CENPQ: variants seen among roughly 807,000 people sequenced by gnomAD.
CENPQ encodes the protein chromosome 6 open reading frame 139.
CENPQ carries 27 observed loss-of-function variants against 36.6 expected under a neutral mutation model. The ratio of observed to expected loss-of-function variants is 0.74; its 90% CI spans 0.54 to 1.02. The LOEUF is 1.02. Among genes scored for constraint, CENPQ ranks in the 50% least tolerant of loss-of-function variants. The pLI is 0.00. For missense variants in CENPQ, 306 were observed against 301.8 expected (o/e 1.01, Z -0.10); for synonymous variants, 101 against 101.7 (o/e 0.99, Z 0.04).
At chr6:49,480,919 A>T (rs1768411042) in intron 5 of CENPQ, 32 bp from the exon 6 acceptor site, 2 of 1,494,710 alleles carry the variant, frequency 1.3e-6, no homozygotes, top group Non-Finnish European at 1.8e-6. Flanking sequence ...CTCAAAAATA[A>T]ACAAAATAAT....
Position 49,493,003 on chromosome 6 carries a change from A to T in CENPQ, c.*728A>T, listed in dbSNP as rs980403507. 6.6e-6 allele frequency: 1 copy of T among 152,024 alleles called. No individual in the cohort carries two copies. The highest frequency in any genetic ancestry group is 1.5e-5 in the Non-Finnish European group (1 of 67,940). 9.4% of individuals were successfully genotyped at this position (152,024 alleles called of 1,614,324 possible). A position where few individuals can be genotyped will look rare whatever the true frequency, so the allele number is the denominator to read the frequency against. ...ATAAGCTTATATATGTGAATAAGTT[A>T]TAACCTAGTGTATAAAAAATTATTT... On this transcript the variant is annotated 3_prime_UTR_variant, in exon 9 of 9. Transcript: ENST00000335783.
intron 6 of CENPQ, among the ~76,000 whole-genome samples, chr6:49,486,143 G>A (rs183069901): frequency 8.5e-5 from 13 of 152,190 alleles, no homozygotes; most frequent in South Asian, 6.2e-4. Flanking sequence ...AAAAAGCCAC[G>A]TGAAAGCAAA....
rs182951846 is a variant in CENPQ at position 49,464,979 on chromosome 6, A to C, written c.-19+1526A>C. Among the ~76,000 whole-genome samples, 175 of 152,340 alleles carry C rather than the reference A, an allele frequency of 1.1e-3. 2 individuals are homozygous for C. The highest frequency in any genetic ancestry group is 4.1e-4 in the Non-Finnish European group (28 of 68,042). ...TGGTGAATCATTTCCAGAAGTTTTC[A>C]ATTTATTTTGCCCAGATCCATCAGA... On this transcript the variant is annotated intron_variant, in intron 1 of 8. Coordinates refer to ENST00000335783, the MANE Select transcript of CENPQ (RefSeq NM_018132.4).
At chr6:49,479,250 C>A (rs1281128864) in intron 5 of CENPQ, among the ~76,000 whole-genome samples, 1 of 151,880 alleles carries the variant, frequency 6.6e-6, no homozygotes, top group Non-Finnish European at 1.5e-5. Context: ...AGGTCTGTAT[C>A]AAGACTCTAT....
intron 5 of CENPQ, among the ~76,000 whole-genome samples, chr6:49,476,594 G>A (rs1017312330): frequency 2.0e-5 from 3 of 152,152 alleles, no homozygotes. Flanking sequence ...AAACTAAAGA[G>A]CTTCTGCACA....
intron 1 of CENPQ, 115 bp from the exon 2 acceptor site, chr6:49,470,044 A>G: frequency 1.9e-6 from 1 of 529,842 alleles, no homozygotes; most frequent in Non-Finnish European, 3.3e-6. Flanking sequence ...CTTTAAAAAA[A>G]AAAAAAAAGA....
intron 5 of CENPQ, among the ~76,000 whole-genome samples, chr6:49,474,192 C>T (rs1768216876): frequency 6.6e-6 from 1 of 152,178 alleles, no homozygotes; most frequent in Non-Finnish European, 1.5e-5. Flanking sequence ...AAGAACTCTC[C>T]ACCCCAATCA....
intron 8 of CENPQ, among the ~76,000 whole-genome samples, chr6:49,491,105 G>A (rs191001967): frequency 6.6e-6 from 1 of 152,314 alleles, no homozygotes; most frequent in African/African-American, 2.4e-5. Context: ...CAGTGTCTGG[G>A]AACACGGTAA....
At chr6:49,487,146 T>A (rs1158564044) in intron 6 of CENPQ, among the ~76,000 whole-genome samples, 2 of 230 alleles carry the variant, frequency 8.7e-3, no homozygotes, top group Admixed American at 0.17. Flanking sequence ...AGAGCAAAAC[T>A]CCATCTCAAA....
chr6:49,470,692 A>G (rs924955399), intron 2 of CENPQ, among the ~76,000 whole-genome samples: 3 of 151,786 alleles, frequency 2.0e-5, no homozygotes, highest in South Asian at 2.1e-4. Flanking sequence ...ATATTTGTAT[A>G]TAACATTATT....
rs189630390 is a variant in CENPQ at position 49,489,110 on chromosome 6, G to A, written c.675+426G>A. Among the ~76,000 whole-genome samples, 555 of 152,218 alleles carry A rather than the reference G, an allele frequency of 3.6e-3. 3 individuals carry two copies. The highest frequency in any genetic ancestry group is 0.012 in the African/African-American group (486 of 41,528). On this transcript the variant is annotated intron_variant, in intron 8 of 8. Coordinates refer to ENST00000335783, the MANE Select transcript of CENPQ (RefSeq NM_018132.4). Reference sequence around the variant, plus strand: ...CACATCAGTTGATTCTTCCTTTCACGAAAGTTTTCCCTGTAGCATGTGATG... The same window carrying A: ...CACATCAGTTGATTCTTCCTTTCACAAAAGTTTTCCCTGTAGCATGTGATG...
chr6:49,480,091 T>C (rs1036460995), intron 5 of CENPQ, among the ~76,000 whole-genome samples: 5 of 152,160 alleles, frequency 3.3e-5, no homozygotes, highest in East Asian at 1.9e-4. Context: ...TATTCCTGAA[T>C]CTAAAATAAA....
chr6:49,476,926 G>A (rs1258455430), intron 5 of CENPQ, among the ~76,000 whole-genome samples: 2 of 152,236 alleles, frequency 1.3e-5, no homozygotes, highest in Non-Finnish European at 2.9e-5. Flanking sequence ...AACAACAGGT[G>A]CTGGAGAGGA....
chr6:49,481,088 A>G lies in CENPQ; in HGVS notation c.477+8A>G, dbSNP rs774019426. 6.3e-7 allele frequency: 1 copy of G among 1,588,630 alleles called. No homozygotes were observed. The highest frequency in any genetic ancestry group is 8.5e-7 in the Non-Finnish European group (1 of 1,172,492). The stretch of plus-strand genomic sequence containing the variant: ...GGTCTGGCATTACTACAGGTATGAA[A>G]TTTGAATAGGGAATCCATAATTAGA... On this transcript the variant is annotated splice_region_variant and intron_variant, in intron 6 of 8. Transcript: ENST00000335783.
In CENPQ at chr6:49,492,282, T is replaced by G. The variant is rs1449710950; in HGVS notation, c.*7T>G. The G allele has an allele frequency of 4.3e-6, 6 of 1,387,602 alleles. No homozygotes were observed. The highest frequency in any genetic ancestry group is 5.8e-6 in the Non-Finnish European group (6 of 1,032,648). 86.0% of individuals were successfully genotyped at this position (1,387,602 alleles called of 1,614,324 possible). A position where few individuals can be genotyped will look rare whatever the true frequency, so the allele number is the denominator to read the frequency against. On this transcript the variant is annotated 3_prime_UTR_variant, in exon 9 of 9. Coordinates refer to ENST00000335783, the MANE Select transcript of CENPQ (RefSeq NM_018132.4). ...GAAACTGGATGCATCTTAAAGAGTG[T>G]TTTTTTTTTAGATTGTTCCATATTA...
chr6:49,484,660 T>C (rs1768534125), intron 6 of CENPQ, among the ~76,000 whole-genome samples: 1 of 152,210 alleles, frequency 6.6e-6, no homozygotes, highest in Non-Finnish European at 1.5e-5. Flanking sequence ...CATTTTTCCA[T>C]AGGATTGAGA....
At chr6:49,469,950 C>T (rs574870110) in intron 1 of CENPQ, among the ~76,000 whole-genome samples, 60 of 133,346 alleles carry the variant, frequency 4.5e-4, no homozygotes, top group African/African-American at 1.3e-3. Context: ...TATCCTTATT[C>T]TGATAAGAGT....
In CENPQ at chr6:49,492,443, A is replaced by C. The variant is rs976361250; in HGVS notation, c.*168A>C. The C allele has an allele frequency of 3.3e-5, 18 of 553,056 alleles. No individual in the cohort carries two copies. Among genetic ancestry groups the C allele is most frequent in the Non-Finnish European group, 5.0e-5 (17 of 338,454 alleles). 34.3% of individuals were successfully genotyped at this position (553,056 alleles called of 1,614,324 possible). On this transcript the variant is annotated 3_prime_UTR_variant, in exon 9 of 9. Coordinates refer to ENST00000335783, the MANE Select transcript of CENPQ (RefSeq NM_018132.4). Reference sequence around the variant, plus strand: ...TAGTTCTATCATTAGCATCTAATGTAGTTCTGAAGACTGTTTTTAGCAGTT... The same window carrying C: ...TAGTTCTATCATTAGCATCTAATGTCGTTCTGAAGACTGTTTTTAGCAGTT...
chr6:49,477,426 G>C (rs1282050775), intron 5 of CENPQ, among the ~76,000 whole-genome samples: 4 of 130,806 alleles, frequency 3.1e-5, no homozygotes, highest in African/African-American at 1.1e-4. Context: ...GTCATGGGGT[G>C]GGGGGAGGGG....
Sources: gnomAD v4.1 joint callset for allele counts (sites outside exome capture counted in the v4.1 genomes callset) on GRCh38, gnomAD v4.1.1 for gene constraint, MANE v1.5 for transcripts, NCBI Gene and HGNC (gene_info 2026-07-23, HGNC 2026-07-21) for gene names.